The following PARD6B variants were observed in gnomAD, a reference collection of about 807,000 sequenced individuals.
The protein encoded by PARD6B is par-6 family cell polarity regulator beta.
In PARD6B, 4 loss-of-function variants were observed where a neutral mutation model predicts 10.5. The observed-to-expected ratio is 0.38, with a 90% CI of 0.19 to 0.87. The LOEUF (loss-of-function observed/expected upper bound fraction) is 0.87. Ranked by LOEUF, PARD6B falls within the 40% of genes least tolerant of loss-of-function variation. The pLI is 0.41. For missense variants in PARD6B, 396 were observed against 470.6 expected, an observed-to-expected ratio of 0.84 and a Z score of 1.47; for synonymous variants, 169 against 170.4, an observed-to-expected ratio of 0.99 and a Z score of 0.07.
intron 2 of PARD6B, among the ~76,000 whole-genome samples, chr20:50,746,578 C>A (rs1264245365): frequency 5.3e-5 from 8 of 152,224 alleles, no homozygotes; most frequent in Non-Finnish European, 1.2e-4. Flanking sequence ...CACTTTAACA[C>A]CCTGAACCCT....
intron 1 of PARD6B, among the ~76,000 whole-genome samples, chr20:50,735,627 C>T (rs1426213440): frequency 1.3e-5 from 2 of 152,108 alleles, no homozygotes; most frequent in Non-Finnish European, 2.9e-5. Context: ...TTCCCTTAAT[C>T]CTATTGTTGT....
At chr20:50,739,737 A>G (rs1249029372) in intron 2 of PARD6B, among the ~76,000 whole-genome samples, 1 of 152,008 alleles carries the variant, frequency 6.6e-6, no homozygotes, top group Non-Finnish European at 1.5e-5. Context: ...GGAATGCGAT[A>G]TAATGAGAGT....
chr20:50,737,217 C>T (rs918751391), intron 1 of PARD6B, among the ~76,000 whole-genome samples: 4 of 152,130 alleles, frequency 2.6e-5, no homozygotes, highest in African/African-American at 9.7e-5. Context: ...GGAGCAGGCT[C>T]GAGGCTTTCA....
rs2087627233 is a variant in PARD6B at position 50,753,562 on chromosome 20, A to G, written c.*3074A>G. ...TATGAATTTTCTAATTAAATTTTAC[A>G]TGCTATAACATGATTTTTACATGAA... On this transcript the variant is annotated 3_prime_UTR_variant, in exon 3 of 3. Transcript: ENST00000371610. 3.5e-6 allele frequency: 3 copies of G among 868,038 alleles called. No homozygotes were observed. Among genetic ancestry groups the G allele is most frequent in the Admixed American group, 6.2e-5 (1 of 16,082 alleles). 53.8% of individuals were successfully genotyped at this position (868,038 alleles called of 1,614,324 possible).
chr20:50,752,194 A>G lies in PARD6B; in HGVS notation c.*1706A>G, dbSNP rs1025555097. On this transcript the variant is annotated 3_prime_UTR_variant, in exon 3 of 3. Transcript: ENST00000371610. ...GTTCCCATTCCCAGTCTCATTTGAA[A>G]TCATTCCTTTTATTGTTAGTGTGTG... The G allele has an allele frequency of 9.1e-6, 9 of 985,540 alleles. No individual in the cohort carries two copies. Among genetic ancestry groups the G allele is most frequent in the African/African-American group, 5.2e-5 (3 of 57,202 alleles). The allele number at this position is 985,540 out of a possible 1,614,324, so 61.0% of individuals were successfully genotyped here.
At position 50,750,419 on chromosome 20, in the gene PARD6B, C is replaced by G. The variant is rs369290378; in HGVS notation, c.1050C>G (p.Asn350Lys). 7 of 1,614,058 alleles carry G rather than the reference C, an allele frequency of 4.3e-6. No individual in the cohort carries two copies. In the African/African-American group the frequency reaches 9.3e-5, roughly 22 times the overall value. Reference protein sequence around the residue: ...VSLAAIASSSNTEFETHAPDQ... With the variant: ...VSLAAIASSSKTEFETHAPDQ... ...TAGCAGCCATAGCAAGCAGCTCAAACACGGAATTTGAAACACATGCTCCAG... is the reference window on the plus strand; with the variant it reads ...TAGCAGCCATAGCAAGCAGCTCAAAGACGGAATTTGAAACACATGCTCCAG... Residue 350 changes from asparagine to lysine, a missense_variant, in exon 3 of 3, where the codon AAC (asparagine) becomes AAG (lysine). By Grantham distance (94) the Asn-to-Lys change is moderately conservative (BLOSUM62 0). This residue lies in a region of PARD6B where 188 missense variants were observed against 169.7 expected (regional missense o/e 1.11). Coordinates refer to ENST00000371610, the MANE Select transcript of PARD6B (RefSeq NM_032521.3).
At chr20:50,738,988 A>G (rs1253551735) in intron 2 of PARD6B, among the ~76,000 whole-genome samples, 6 of 150,120 alleles carry the variant, frequency 4.0e-5, no homozygotes, top group Non-Finnish European at 8.9e-5. Context: ...TTGTGTGTGT[A>G]TGTATGTGTG....
chr20:50,748,015 C>G (rs2087578920), intron 2 of PARD6B, among the ~76,000 whole-genome samples: 1 of 152,164 alleles, frequency 6.6e-6, no homozygotes, highest in South Asian at 2.1e-4. Context: ...TAAAACTCCA[C>G]CTTTGCCTCT....
intron 1 of PARD6B, among the ~76,000 whole-genome samples, chr20:50,736,811 C>T (rs184729636): frequency 1.1e-4 from 16 of 152,140 alleles, no homozygotes; most frequent in Non-Finnish European, 2.1e-4. Context: ...AGAGAGTCTC[C>T]TGCCTCAGCC....
Position 50,751,833 on chromosome 20 carries a change from C to T in PARD6B, c.*1345C>T, listed in dbSNP as rs1291030727. On this transcript the variant is annotated 3_prime_UTR_variant, in exon 3 of 3. Coordinates refer to ENST00000371610, the MANE Select transcript of PARD6B (RefSeq NM_032521.3). The stretch of plus-strand genomic sequence containing the variant: ...TCTCCTGCCTCAGCCTTCTGAGTAG[C>T]TAAGATTACAGGTGTGCGCCAACAC... 1.1e-6 allele frequency: 1 copy of T among 897,654 alleles called. No homozygotes were observed. The highest frequency in any genetic ancestry group is 1.3e-6 in the Non-Finnish European group (1 of 751,916). 55.6% of individuals were successfully genotyped at this position (897,654 alleles called of 1,614,324 possible). A position where few individuals can be genotyped will look rare whatever the true frequency, so the allele number is the denominator to read the frequency against.
chr20:50,732,344 T>C (rs1320816757), intron 1 of PARD6B, among the ~76,000 whole-genome samples: 1 of 152,112 alleles, frequency 6.6e-6, no homozygotes, highest in Admixed American at 6.5e-5. Flanking sequence ...CTGCTGGCGC[T>C]CTTTCTAGCA....
At chr20:50,736,816 T>G (rs1379289623) in intron 1 of PARD6B, among the ~76,000 whole-genome samples, 1 of 151,398 alleles carries the variant, frequency 6.6e-6, no homozygotes, top group Admixed American at 6.6e-5. Flanking sequence ...GTCTCCTGCC[T>G]CAGCCTCCTG....
intron 2 of PARD6B, among the ~76,000 whole-genome samples, chr20:50,741,285 T>C (rs2087529025): frequency 6.6e-6 from 1 of 151,796 alleles, no homozygotes; most frequent in African/African-American, 2.4e-5. Context: ...GTTTCTGTGC[T>C]CTTATGCTTG....
chr20:50,734,058 G>A (rs2087486333), intron 1 of PARD6B, among the ~76,000 whole-genome samples: 2 of 152,168 alleles, frequency 1.3e-5, no homozygotes, highest in Non-Finnish European at 2.9e-5. Flanking sequence ...ATCATACACT[G>A]ATTCTAGGAA....
rs952817466 is a variant in PARD6B, at chr20:50,749,825, A to C, written c.456A>C (p.Pro152=). The C allele has an allele frequency of 5.0e-6, 8 of 1,614,106 alleles. No homozygotes were observed. Among genetic ancestry groups the C allele is most frequent in the Middle Eastern group, 1.6e-4 (1 of 6,084 alleles). The part of the protein sequence containing the change: ...VSSIIDVDIL[P]ETHRRVRLYK... ...CTATTATAGACGTGGATATTCTCCC[A>C]GAAACGCATCGTAGGGTACGTCTTT... The change falls in exon 3 of 3, where the codon CCA becomes CCC. Residue 152 remains proline, a synonymous_variant. Coordinates refer to ENST00000371610, the MANE Select transcript of PARD6B (RefSeq NM_032521.3).
chr20:50,733,223 C>T (rs2087481891), intron 1 of PARD6B, among the ~76,000 whole-genome samples: 1 of 152,148 alleles, frequency 6.6e-6, no homozygotes, highest in South Asian at 2.1e-4. Context: ...AGTGCCAGAC[C>T]AGCCTGGCCA....
chr20:50,731,946 G>T, intron 1 of PARD6B, 94 bp downstream of exon 1: 1 of 1,103,392 alleles, frequency 9.1e-7, no homozygotes, highest in Non-Finnish European at 1.2e-6. Flanking sequence ...GGAGGCGACG[G>T]GCTGAGCTGC....
chr20:50,749,267 C>T (rs6091205), intron 2 of PARD6B, among the ~76,000 whole-genome samples: 6,300 of 151,688 alleles, frequency 0.042, 417 homozygotes, highest in African/African-American at 0.14. Flanking sequence ...TGCTTGAACC[C>T]GGGAGGCGGA....
In PARD6B at chr20:50,751,937, C is replaced by G; in HGVS notation, c.*1449C>G. 3 of 963,290 alleles carry G rather than the reference C, an allele frequency of 3.1e-6. No individual in the cohort carries two copies. Among genetic ancestry groups the G allele is most frequent in the Non-Finnish European group, 3.7e-6 (3 of 810,058 alleles). 59.7% of individuals were successfully genotyped at this position (963,290 alleles called of 1,614,324 possible). A position where few individuals can be genotyped will look rare whatever the true frequency, so the allele number is the denominator to read the frequency against. ...CAGGTGGGTCTCAAACTCCTGACCT[C>G]AAGTGATCCGCCCATCTCCTCCCAA... On this transcript the variant is annotated 3_prime_UTR_variant, in exon 3 of 3. Coordinates refer to ENST00000371610, the MANE Select transcript of PARD6B (RefSeq NM_032521.3).
Sources: gnomAD v4.1 joint callset for allele counts (sites outside exome capture counted in the v4.1 genomes callset) on GRCh38, gnomAD v4.1.1 for gene constraint, gnomAD v4.1.1 regional missense constraint, MANE v1.5 for transcripts, NCBI Gene and HGNC (gene_info 2026-07-23, HGNC 2026-07-21) for gene names.